PNPT1: variants seen among roughly 807,000 people sequenced by gnomAD.
PNPT1 encodes polyribonucleotide nucleotidyltransferase 1, mitochondrial.
A neutral mutation model predicts 119.5 loss-of-function variants in PNPT1; 53 were observed. The observed-to-expected ratio is 0.44, with a 90% confidence interval of 0.36 to 0.56. The LOEUF is 0.56. PNPT1 is among the 20% of genes least tolerant of loss of function. The pLI, the probability that PNPT1 is intolerant of heterozygous loss-of-function variation, is 0.00. For missense variants in PNPT1, 948 were observed against 938.5 expected, an observed-to-expected ratio of 1.01 and a Z score of -0.13; for synonymous variants, 357 against 322.1, an observed-to-expected ratio of 1.11 and a Z score of -1.16.
At chr2:55,687,255 C>A (rs1220820736) in intron 2 of PNPT1, among the ~76,000 whole-genome samples, 8 of 144,374 alleles carry the variant, frequency 5.5e-5, no homozygotes, top group Non-Finnish European at 1.2e-4. Flanking sequence ...TCCTGGCCAA[C>A]ATGGTGAAAC....
At chr2:55,684,704 G>C (rs1407965988) in intron 4 of PNPT1, among the ~76,000 whole-genome samples, 1 of 152,240 alleles carries the variant, frequency 6.6e-6, no homozygotes, top group Non-Finnish European at 1.5e-5. Context: ...AATATTTATT[G>C]AATGCCTATT....
At chr2:55,669,504 A>C (rs563766598) in intron 11 of PNPT1, among the ~76,000 whole-genome samples, 1 of 152,234 alleles carries the variant, frequency 6.6e-6, no homozygotes, top group Non-Finnish European at 1.5e-5. Flanking sequence ...AGACTTTAAT[A>C]TCTTTTCTGC....
At chr2:55,655,326 A>C (rs1696352603) in intron 17 of PNPT1, among the ~76,000 whole-genome samples, 1 of 152,066 alleles carries the variant, frequency 6.6e-6, no homozygotes, top group Admixed American at 6.6e-5. Flanking sequence ...GTACAGACAG[A>C]GTTTCACCAA....
At chr2:55,685,153 C>T (rs563632976) in intron 3 of PNPT1, 105 bp from the exon 4 acceptor site, 1 of 713,634 alleles carries the variant, frequency 1.4e-6, no homozygotes, top group Non-Finnish European at 2.1e-6. Context: ...AGTCTAGACT[C>T]AGAGTAGAAA....
At chr2:55,671,759 G>GA (rs1696922185) in intron 10 of PNPT1, among the ~76,000 whole-genome samples, 1 of 152,184 alleles carries the variant, frequency 6.6e-6, no homozygotes. Flanking sequence ...GCTGGAAGGC[G>GA]AAAGTTGCAG....
intron 15 of PNPT1, among the ~76,000 whole-genome samples, chr2:55,658,066 C>T (rs1216581281): frequency 1.3e-5 from 2 of 151,356 alleles, no homozygotes; most frequent in African/African-American, 2.4e-5. Flanking sequence ...GGCAAAACCC[C>T]ATTTTGTAAA....
In PNPT1 at chr2:55,634,561, AT is replaced by A. The variant is rs991003646; in HGVS notation, c.*1675del. On this transcript the variant is annotated 3_prime_UTR_variant, in exon 28 of 28. Transcript: ENST00000447944. The stretch of plus-strand genomic sequence containing the variant: ...ACAGGCATGAGCTTCTGTGCCCACC[AT>A]TTTTTTTTTTGAGATGGAGTTTTAC... 2.3e-4 allele frequency: 27 copies of A among 116,196 alleles called. No individual in the cohort carries two copies. Among genetic ancestry groups the A allele is most frequent in the South Asian group, 2.5e-4 (1 of 3,978 alleles). The allele number at this position is 116,196 out of a possible 1,614,324, so 7.2% of individuals were successfully genotyped here. A position where few individuals can be genotyped will look rare whatever the true frequency, so the allele number is the denominator to read the frequency against.
Position 55,667,097 on chromosome 2 carries a change from T to C in PNPT1, c.1074-4A>G, listed in dbSNP as rs146742085. The C allele has an allele frequency of 4.4e-6, 7 of 1,605,246 alleles. No individual in the cohort carries two copies. Among genetic ancestry groups the C allele is most frequent in the Admixed American group, 3.3e-5 (2 of 59,740 alleles). On this transcript the variant is annotated splice_region_variant and splice_polypyrimidine_tract_variant and intron_variant, in intron 12 of 27. Transcript: ENST00000447944. ...AGTCAAATCCCGACCATCGCACCTA[T>C]AGTGATATAGGAAATAAGTACATTA...
intron 26 of PNPT1, among the ~76,000 whole-genome samples, chr2:55,638,813 C>T (rs1695754350): frequency 6.6e-6 from 1 of 150,576 alleles, no homozygotes; most frequent in African/African-American, 2.5e-5. Context: ...CTCGCTCTGT[C>T]ATCCGGGCTG....
At chr2:55,641,283 ATTTTTT>A (rs10713596) in intron 25 of PNPT1, among the ~76,000 whole-genome samples, 3 of 100,104 alleles carry the variant, frequency 3.0e-5, no homozygotes, top group East Asian at 2.5e-4. Context: ...TTCCAAAAAC[ATTTTTT>A]TTTTTTTTTT....
intron 4 of PNPT1, among the ~76,000 whole-genome samples, chr2:55,684,413 G>A (rs759525415): frequency 8.5e-5 from 13 of 152,128 alleles, no homozygotes; most frequent in Non-Finnish European, 1.5e-4. Flanking sequence ...GCAGTGAGCC[G>A]AGATCGTGCC....
intron 3 of PNPT1, among the ~76,000 whole-genome samples, 155 bp from the exon 4 acceptor site, chr2:55,685,203 A>G (rs969852029): frequency 2.0e-5 from 3 of 152,220 alleles, no homozygotes; most frequent in African/African-American, 7.2e-5. Flanking sequence ...TGGGGAGAGG[A>G]AAGTTGATAG....
chr2:55,658,447 T>C (rs931087847), intron 15 of PNPT1, among the ~76,000 whole-genome samples: 2 of 152,132 alleles, frequency 1.3e-5, no homozygotes, highest in African/African-American at 2.4e-5. Flanking sequence ...TTTCCTGACT[T>C]GGGTGGTGGT....
chr2:55,686,707 G>A (rs1216438299), intron 2 of PNPT1, among the ~76,000 whole-genome samples: 1 of 152,156 alleles, frequency 6.6e-6, no homozygotes, highest in Non-Finnish European at 1.5e-5. Flanking sequence ...TTCTTATGTG[G>A]CTATACATAA....
In PNPT1 at chr2:55,644,621, T is replaced by G. The variant is rs770050137; in HGVS notation, c.1906+16A>C. ...AGCATTTAATTAAAAAACCCCAAAC[T>G]TCATACAACTCTTACCTGTTTCAGC... On this transcript the variant is annotated intron_variant, in intron 23 of 27. Coordinates refer to ENST00000447944, the MANE Select transcript of PNPT1 (RefSeq NM_033109.5). The G allele has an allele frequency of 1.3e-6, 2 of 1,574,918 alleles. No individual in the cohort carries two copies. The highest frequency in any genetic ancestry group is 2.7e-5 in the African/African-American group (2 of 73,828).
intron 26 of PNPT1, among the ~76,000 whole-genome samples, chr2:55,639,000 T>G (rs1472994811): frequency 6.6e-6 from 1 of 152,106 alleles, no homozygotes; most frequent in African/African-American, 2.4e-5. Flanking sequence ...GGTCTCAAAC[T>G]CCTGACCTAA....
At chr2:55,691,434 A>G (rs1355413195) in intron 1 of PNPT1, among the ~76,000 whole-genome samples, 1 of 152,262 alleles carries the variant, frequency 6.6e-6, no homozygotes, top group East Asian at 1.9e-4. Flanking sequence ...AATGTTGCCA[A>G]TGGCAAACAA....
chr2:55,650,260 A>T (rs1281239337), intron 18 of PNPT1, among the ~76,000 whole-genome samples: 1 of 152,120 alleles, frequency 6.6e-6, no homozygotes, highest in Non-Finnish European at 1.5e-5. Flanking sequence ...CTCCTGCCTC[A>T]GCCTGCCGAC....
rs572604744 is a variant in PNPT1, at chr2:55,677,808, C to T, written c.679+1874G>A. Among the ~76,000 whole-genome samples the T allele has an allele frequency of 6.0e-5, 9 of 150,696 alleles. No individual in the cohort carries two copies. The East Asian group carries it at 1.8e-3, about 31-fold the overall frequency. ...AGGCTGGAGTGCAGTGGTGTGATCT[C>T]GGCTCACTGCAAGCTCTGCCTCCCG... On this transcript the variant is annotated intron_variant, in intron 8 of 27. Coordinates refer to ENST00000447944, the MANE Select transcript of PNPT1 (RefSeq NM_033109.5).
Sources: allele counts gnomAD v4.1 joint callset (sites outside exome capture counted in the v4.1 genomes callset), GRCh38; gene constraint gnomAD v4.1.1; transcripts MANE v1.5; gene names NCBI Gene and HGNC (gene_info 2026-07-23, HGNC 2026-07-21).